The following CHM variants were observed in gnomAD, a reference collection of about 807,000 sequenced individuals.
CHM encodes CHM Rab escort protein, also known as rab proteins geranylgeranyltransferase component A 1.
In CHM, 10 loss-of-function variants were observed where a neutral mutation model predicts 49.0. The observed-to-expected ratio is 0.20, with a 90% CI of 0.13 to 0.35. The LOEUF (loss-of-function observed/expected upper bound fraction) is 0.35, where lower values mean the gene tolerates loss of function less well. CHM is among the 10% of genes least tolerant of loss of function. The pLI is 1.00. For missense variants in CHM, 455 were observed against 478.4 expected, an observed-to-expected ratio of 0.95 and a Z score of 0.46; for synonymous variants, 184 against 167.5, an observed-to-expected ratio of 1.10 and a Z score of -0.76.
At chrX:85,874,089 C>T (rs977329021) in intron 13 of CHM, among the ~76,000 whole-genome samples, 9 of 111,157 alleles carry the variant, frequency 8.1e-5, no homozygotes, top group African/African-American at 1.3e-4. Flanking sequence ...GCCTAGCACA[C>T]GACAGATGCT....
intron 8 of CHM, among the ~76,000 whole-genome samples, chrX:85,931,484 G>A (rs1306142804): frequency 1.8e-5 from 2 of 111,748 alleles, no homozygotes; most frequent in African/African-American, 3.3e-5. Context: ...ATCTAAAATT[G>A]TGTTTTCTTT....
At chrX:85,940,935 C>T (rs1220197778) in intron 8 of CHM, among the ~76,000 whole-genome samples, 3 of 110,944 alleles carry the variant, frequency 2.7e-5, no homozygotes, top group Non-Finnish European at 3.8e-5. Flanking sequence ...TTTTGGAACC[C>T]GATAAAATCC....
intron 1 of CHM, among the ~76,000 whole-genome samples, chrX:86,045,989 TTGCAGCCA>T (rs768632954): frequency 7.6e-4 from 85 of 112,532 alleles, no homozygotes; most frequent in Middle Eastern, 4.6e-3. Context: ...ACCAGGTTAT[TTGCAGCCA>T]TGCAGTTATT....
intron 2 of CHM, among the ~76,000 whole-genome samples, chrX:85,999,341 G>A (rs5923421): frequency 0.46 from 50,227 of 109,763 alleles, 9,649 homozygotes; most frequent in Non-Finnish European, 0.6. Flanking sequence ...CCAAACACTT[G>A]GTATAATGAG....
At chrX:85,910,312 G>A (rs1926850248) in intron 9 of CHM, among the ~76,000 whole-genome samples, 1 of 111,215 alleles carries the variant, frequency 9.0e-6, no homozygotes, top group Non-Finnish European at 1.9e-5. Flanking sequence ...TAAGCTTCCA[G>A]TTCAAATATT....
chrX:85,925,418 A>T (rs1370749972), intron 8 of CHM, among the ~76,000 whole-genome samples: 1 of 111,738 alleles, frequency 8.9e-6, no homozygotes, highest in Non-Finnish European at 1.9e-5. Flanking sequence ...TGCATTTTTC[A>T]GTCTGAACAC....
chrX:85,929,231 G>T (rs578120929), intron 8 of CHM, among the ~76,000 whole-genome samples: 1 of 111,607 alleles, frequency 9.0e-6, no homozygotes, highest in African/African-American at 3.3e-5. Context: ...CATATCAAAA[G>T]ATCCTCTGAC....
chrX:85,920,594 T>C (rs999297318), intron 8 of CHM, among the ~76,000 whole-genome samples: 3 of 112,347 alleles, frequency 2.7e-5, no homozygotes, highest in Non-Finnish European at 5.6e-5. Flanking sequence ...ACAACTAGCA[T>C]TGAGTGCTTA....
intron 4 of CHM, chrX:85,970,241 G>GCGGCCGGGCGCGGTGGCT: frequency 1.4e-6 from 1 of 736,635 alleles, no homozygotes; most frequent in Admixed American, 8.8e-5. Flanking sequence ...AAATCCCATG[G>GCGGCCGGGCGCGGTGGCT]CATATAAACT....
chrX:85,966,324 G>A (rs1930579814), intron 4 of CHM, among the ~76,000 whole-genome samples: 2 of 104,655 alleles, frequency 1.9e-5, no homozygotes, highest in South Asian at 9.1e-4. Context: ...ACTCCAGCCT[G>A]GGCAACAAGA....
intron 8 of CHM, among the ~76,000 whole-genome samples, chrX:85,938,402 T>G (rs1393197081): frequency 8.9e-6 from 1 of 111,828 alleles, no homozygotes; most frequent in African/African-American, 3.3e-5. Flanking sequence ...CCTCCAAAAT[T>G]CCATAGTTTA....
chrX:85,882,030 C>T (rs957967380), intron 12 of CHM, among the ~76,000 whole-genome samples: 1 of 111,167 alleles, frequency 9.0e-6, no homozygotes, highest in Non-Finnish European at 1.9e-5. Context: ...CCACTGAATA[C>T]ATTTAAATGA....
Position 85,981,731 on chromosome X carries a change from C to T in CHM, c.189+6G>A. ...AGCAAATTAAAAGGTCAGATACAAA[C>T]TTTACCTGGTATTCCTTTAGCCAGG... On this transcript the variant is annotated splice_donor_region_variant and intron_variant, in intron 3 of 14. Coordinates refer to ENST00000357749, the MANE Select transcript of CHM (RefSeq NM_000390.4). 1 of 1,174,242 alleles carries T rather than the reference C, an allele frequency of 8.5e-7. No individual in the cohort carries two copies. The highest frequency in any genetic ancestry group is 1.2e-6 in the Non-Finnish European group (1 of 867,857).
At chrX:85,934,554 G>A (rs748350118) in intron 8 of CHM, among the ~76,000 whole-genome samples, 4 of 106,723 alleles carry the variant, frequency 3.7e-5, no homozygotes, top group Non-Finnish European at 7.7e-5. Flanking sequence ...CTGTCCTTGC[G>A]ATAGTTTGCT....
intron 8 of CHM, among the ~76,000 whole-genome samples, chrX:85,927,603 C>A (rs1040380307): frequency 8.9e-6 from 1 of 112,190 alleles, no homozygotes; most frequent in Non-Finnish European, 1.9e-5. Flanking sequence ...TTGCGTATAT[C>A]TGGAGTATAA....
At chrX:85,880,844 T>G (rs1238761065) in intron 12 of CHM, among the ~76,000 whole-genome samples, 2 of 111,625 alleles carry the variant, frequency 1.8e-5, no homozygotes, top group African/African-American at 6.5e-5. Context: ...TAATACAAAT[T>G]TAAGGTATGA....
At chrX:85,966,816 T>C (rs920845045) in intron 4 of CHM, among the ~76,000 whole-genome samples, 6 of 112,068 alleles carry the variant, frequency 5.4e-5, no homozygotes, top group Non-Finnish European at 5.6e-5. Context: ...CTGTGAAAAC[T>C]GAGCATAGCA....
chrX:85,904,637 A>G (rs1926482139), intron 9 of CHM, among the ~76,000 whole-genome samples: 1 of 112,009 alleles, frequency 8.9e-6, no homozygotes, highest in Non-Finnish European at 1.9e-5. Flanking sequence ...AGAAAACAAA[A>G]TAATTTTCCC....
chrX:85,979,230 T>C (rs920638249), intron 3 of CHM, among the ~76,000 whole-genome samples: 1 of 111,997 alleles, frequency 8.9e-6, no homozygotes, highest in African/African-American at 3.2e-5. Context: ...GAATCAAGTA[T>C]ATCTGTTATA....
Sources: allele counts gnomAD v4.1 joint callset (sites outside exome capture counted in the v4.1 genomes callset), GRCh38; gene constraint gnomAD v4.1.1; transcripts MANE v1.5; gene names NCBI Gene and HGNC (gene_info 2026-07-23, HGNC 2026-07-21).